The following UQCC6 variants were observed in gnomAD, a reference collection of about 807,000 sequenced individuals.
The protein encoded by UQCC6 is protein BRAWNIN.
chr12:103,963,194 C>T, the UQCC6 span, among the ~76,000 whole-genome samples: 6 of 152,212 alleles, frequency 3.9e-5, no homozygotes, highest in African/African-American at 1.4e-4. Context: ...CCATCCCAGC[C>T]TCCTGAGTAG....
chr12:103,956,624 C>T, the UQCC6 span: 2 of 1,531,758 alleles, frequency 1.3e-6, no homozygotes, highest in Admixed American at 2.0e-5. Context: ...AGCCCTCCCG[C>T]ACTCACCAGG....
chr12:103,964,532 T>G, the UQCC6 span, among the ~76,000 whole-genome samples: 2 of 152,200 alleles, frequency 1.3e-5, no homozygotes, highest in East Asian at 1.9e-4. Context: ...GAGAAGCCCT[T>G]GCTGCCAAGG....
At chr12:103,956,882 C>T in the UQCC6 span, 2 of 605,114 alleles carry the variant, frequency 3.3e-6, no homozygotes, top group South Asian at 3.9e-5. Context: ...TGGGTTCTCG[C>T]CCAACCCCAC....
At chr12:103,953,690 C>T in the UQCC6 span, 1 of 655,444 alleles carries the variant, frequency 1.5e-6, no homozygotes, top group Admixed American at 2.1e-5. Flanking sequence ...TACCCCATTG[C>T]CAATGTCACC....
At chr12:103,959,238 T>C in the UQCC6 span, among the ~76,000 whole-genome samples, 1 of 152,212 alleles carries the variant, frequency 6.6e-6, no homozygotes, top group Non-Finnish European at 1.5e-5. Flanking sequence ...TTAAGTTAGA[T>C]TCTGACCCTT....
At chr12:103,961,304 TAA>T in the UQCC6 span, among the ~76,000 whole-genome samples, 12 of 152,184 alleles carry the variant, frequency 7.9e-5, 1 homozygote, top group African/African-American at 1.2e-4. Context: ...TTTAAAAAAT[TAA>T]AAAGTCTATA....
At chr12:103,962,342 T>C in the UQCC6 span, among the ~76,000 whole-genome samples, 2 of 152,208 alleles carry the variant, frequency 1.3e-5, no homozygotes, top group Non-Finnish European at 2.9e-5. Flanking sequence ...TTTTGTATTA[T>C]ATTTAAAAAA....
At chr12:103,957,977 AATAT>A in the UQCC6 span, among the ~76,000 whole-genome samples, 3 of 144,418 alleles carry the variant, frequency 2.1e-5, no homozygotes, top group Non-Finnish European at 3.0e-5. Flanking sequence ...ATATATTTTT[AATAT>A]ATATTTATAT....
the UQCC6 span, chr12:103,950,702 G>A: frequency 6.6e-6 from 1 of 152,184 alleles, no homozygotes; most frequent in African/African-American, 2.4e-5. Context: ...CTTATTGGAA[G>A]TCACTTAGAA....
chr12:103,960,050 T>C, the UQCC6 span, among the ~76,000 whole-genome samples: 5 of 152,014 alleles, frequency 3.3e-5, no homozygotes, highest in Middle Eastern at 3.4e-3. Flanking sequence ...GCTGGGATTA[T>C]AGGCATGAGT....
the UQCC6 span, among the ~76,000 whole-genome samples, chr12:103,960,221 C>G: frequency 6.6e-6 from 1 of 152,116 alleles, no homozygotes; most frequent in Non-Finnish European, 1.5e-5. Context: ...CAGGCAGGCG[C>G]CACCACGCCT....
the UQCC6 span, chr12:103,954,905 A>G: frequency 1.4e-6 from 1 of 699,646 alleles, no homozygotes; most frequent in Non-Finnish European, 2.6e-6. Context: ...CAGATCCTCA[A>G]ATCGTCTCAC....
chr12:103,955,816 T>C, the UQCC6 span: 1 of 455,906 alleles, frequency 2.2e-6, no homozygotes, highest in South Asian at 1.5e-5. Flanking sequence ...TGCCATACTT[T>C]CTCATCTCCA....
At chr12:103,954,166 T>C in the UQCC6 span, among the ~76,000 whole-genome samples, 1 of 152,238 alleles carries the variant, frequency 6.6e-6, no homozygotes, top group Non-Finnish European at 1.5e-5. Flanking sequence ...CACAAATGTC[T>C]ATTTATGTAG....
chr12:103,961,687 G>C, the UQCC6 span, among the ~76,000 whole-genome samples: 1 of 151,990 alleles, frequency 6.6e-6, no homozygotes, highest in Admixed American at 6.6e-5. Context: ...CTCCCGAGTA[G>C]CTGGGACTAC....
the UQCC6 span, chr12:103,965,519 A>G: frequency 1.3e-5 from 2 of 153,324 alleles, no homozygotes; most frequent in African/African-American, 2.4e-5. Context: ...TCATTACCTG[A>G]TAATGCAACA....
the UQCC6 span, among the ~76,000 whole-genome samples, chr12:103,965,126 C>T: frequency 6.6e-6 from 1 of 152,144 alleles, no homozygotes; most frequent in East Asian, 1.9e-4. Flanking sequence ...AACCCAAAAG[C>T]CTATTCCATT....
chr12:103,957,058 G>A, the UQCC6 span: 2 of 365,880 alleles, frequency 5.5e-6, no homozygotes, highest in Non-Finnish European at 1.0e-5. Flanking sequence ...GTTTCCCCGC[G>A]CCCCTTCTAC....
the UQCC6 span, among the ~76,000 whole-genome samples, chr12:103,962,250 A>T: frequency 6.6e-6 from 1 of 152,082 alleles, no homozygotes; most frequent in African/African-American, 2.4e-5. Context: ...ATCTGCAAAT[A>T]TTTTCTCCCA....
Sources: gnomAD v4.1 joint callset for allele counts (sites outside exome capture counted in the v4.1 genomes callset) on GRCh38, gnomAD v4.1.1 for gene constraint, MANE v1.5 for transcripts, NCBI Gene and HGNC (gene_info 2026-07-23, HGNC 2026-07-21) for gene names.